LRRK2: variants seen among roughly 807,000 people sequenced by gnomAD.
LRRK2 encodes the protein leucine-rich repeat serine/threonine-protein kinase 2.
Under a neutral mutation model 302.6 loss-of-function variants are expected in LRRK2, and 203 were observed. That is an observed-to-expected ratio of 0.67 (90% CI 0.60 to 0.75). The LOEUF (loss-of-function observed/expected upper bound fraction) is 0.75, where lower values mean the gene tolerates loss of function less well. LRRK2 is among the 30% of genes least tolerant of loss of function. The pLI is 0.00. For synonymous variants in LRRK2, 1,066 were observed against 1,031.9 expected (o/e 1.03, Z -0.63); for missense variants, 2,830 against 2,951.0 (o/e 0.96, Z 0.95).
intron 18 of LRRK2, among the ~76,000 whole-genome samples, chr12:40,282,092 TCCCTCCCCTCCCCTTCTCTTCCCTC>T (rs1197470112): frequency 1.8e-4 from 4 of 21,902 alleles, no homozygotes; most frequent in Admixed American, 9.1e-4. Context: ...TCCCTTCTCT[TCCCTCCCCTCCCCTTCTCTTCCCTC>T]CCCTCCCCTC....
Position 40,310,622 on chromosome 12 carries a change from C to T in LRRK2, c.4509C>T (p.Thr1503=). 6.2e-7 allele frequency: 1 copy of T among 1,612,328 alleles called. No individual in the cohort carries two copies. Among genetic ancestry groups the T allele is most frequent in the Non-Finnish European group, 8.5e-7 (1 of 1,179,578 alleles). ...ESDALAKLRK[T]IINESLNFKI... ...ATGCTTTGGCAAAACTTCGGAAAAC[C>T]ATCATAAACGAGAGCCTTAATTTCA... is the stretch of plus-strand genomic sequence containing the variant. The change falls in exon 31 of 51, where the codon ACC becomes ACT. Residue 1503 remains threonine (T), a synonymous_variant. Coordinates refer to ENST00000298910, the MANE Select transcript of LRRK2 (RefSeq NM_198578.4).
intron 28 of LRRK2, among the ~76,000 whole-genome samples, chr12:40,307,677 A>T (rs527863044): frequency 9.5e-4 from 144 of 152,032 alleles, no homozygotes; most frequent in Admixed American, 1.6e-3. Context: ...CCCTATTATC[A>T]AGCTTTAACA....
At chr12:40,318,557 C>T (rs17466339) in intron 33 of LRRK2, among the ~76,000 whole-genome samples, 24,926 of 151,908 alleles carry the variant, frequency 0.16, 2,209 homozygotes, top group African/African-American at 0.21. Flanking sequence ...ATTTATCCAA[C>T]GGTACACATT....
rs1010754463 is a variant in LRRK2, at chr12:40,304,355, C to T, written c.3777+221C>T. On this transcript the variant is annotated intron_variant, in intron 27 of 50. Coordinates refer to ENST00000298910, the MANE Select transcript of LRRK2 (RefSeq NM_198578.4). The stretch of plus-strand genomic sequence containing the variant: ...CTTAATTTAATTTCCATTCTCACAC[C>T]GACAATTTAAAAAAATCTACTTTTA... The T allele has an allele frequency of 1.4e-4, 81 of 582,296 alleles. 1 individual carries two copies. The highest frequency in any genetic ancestry group is 9.2e-4 in the South Asian group (40 of 43,514). 36.1% of individuals were successfully genotyped at this position (582,296 alleles called of 1,614,324 possible). A position where few individuals can be genotyped will look rare whatever the true frequency, so the allele number is the denominator to read the frequency against.
chr12:40,274,252 C>T (rs191132800), intron 14 of LRRK2, among the ~76,000 whole-genome samples: 242 of 152,224 alleles, frequency 1.6e-3, no homozygotes, highest in Admixed American at 6.2e-3. Context: ...TTTGTGTAGA[C>T]TTTGAGAATA....
chr12:40,353,070 C>T (rs529568912), intron 44 of LRRK2, among the ~76,000 whole-genome samples: 32 of 145,114 alleles, frequency 2.2e-4, no homozygotes, highest in South Asian at 9.0e-4. Context: ...CCAGACGGGG[C>T]GGCGGCCGGG....
intron 25 of LRRK2, among the ~76,000 whole-genome samples, chr12:40,302,184 CAATAATAATAATAA>C (rs1317019624): frequency 1.3e-5 from 2 of 151,488 alleles, no homozygotes; most frequent in Non-Finnish European, 2.9e-5. Flanking sequence ...TCTCAAATAA[CAATAATAATAATAA>C]AATAATAAAA....
intron 20 of LRRK2, among the ~76,000 whole-genome samples, chr12:40,291,180 C>CA (rs1210404441): frequency 1.3e-5 from 2 of 148,408 alleles, no homozygotes; most frequent in Admixed American, 6.8e-5. Context: ...ATTGCAAGGA[C>CA]AAAAAACCAA....
At chr12:40,314,917 C>CTGTT (rs1945165784) in intron 32 of LRRK2, among the ~76,000 whole-genome samples, 1 of 152,018 alleles carries the variant, frequency 6.6e-6, no homozygotes, top group Non-Finnish European at 1.5e-5. Flanking sequence ...AGTGTGTATT[C>CTGTT]AGCAAGCGAA....
intron 16 of LRRK2, among the ~76,000 whole-genome samples, chr12:40,276,982 G>T (rs1449368504): frequency 6.6e-6 from 1 of 151,976 alleles, no homozygotes; most frequent in Non-Finnish European, 1.5e-5. Flanking sequence ...GAGTAGCTGG[G>T]ACTACAGGTG....
At chr12:40,323,437 T>C (rs1271450761) in intron 38 of LRRK2, 131 bp downstream of exon 38, 1 of 824,032 alleles carries the variant, frequency 1.2e-6, no homozygotes, top group Non-Finnish European at 1.9e-6. Flanking sequence ...TTTTTGTATT[T>C]GGAATGATAT....
intron 7 of LRRK2, among the ~76,000 whole-genome samples, chr12:40,245,000 GAAAA>G (rs771819550): frequency 2.7e-5 from 3 of 111,062 alleles, no homozygotes; most frequent in Non-Finnish European, 1.9e-5. Context: ...TTGCAAGAGT[GAAAA>G]AAAAAAAAAA....
At chr12:40,225,687 A>T in intron 2 of LRRK2, 47 bp downstream of exon 2, 1 of 1,527,074 alleles carries the variant, frequency 6.5e-7, no homozygotes, top group Non-Finnish European at 9.0e-7. Flanking sequence ...TCTGTTTGGA[A>T]GGAGACGTTT....
chr12:40,356,087 G>C (rs1341911450), intron 45 of LRRK2, 28 bp from the exon 46 acceptor site: 1 of 1,543,156 alleles, frequency 6.5e-7, no homozygotes, highest in Non-Finnish European at 8.9e-7. Flanking sequence ...TGTTCTTTTT[G>C]TAACAATTTC....
At chr12:40,302,731 A>G in intron 25 of LRRK2, 58 bp from the exon 26 acceptor site, 1 of 1,211,150 alleles carries the variant, frequency 8.3e-7, no homozygotes. Context: ...TTATTTTTGA[A>G]TTTAATGGAA....
At chr12:40,361,830 G>T (rs189773516) in intron 47 of LRRK2, among the ~76,000 whole-genome samples, 1 of 152,096 alleles carries the variant, frequency 6.6e-6, no homozygotes, top group African/African-American at 2.4e-5. Context: ...CTAATCAGGG[G>T]TTGCCTCATC....
rs764051064 is a variant in LRRK2, at chr12:40,295,638, A to G, written c.3090A>G (p.Leu1030=). 1.9e-6 allele frequency: 3 copies of G among 1,613,326 alleles called. No individual in the cohort carries two copies. The highest frequency in any genetic ancestry group is 2.2e-5 in the East Asian group (1 of 44,868). ...CACTCACGAGCTTTCCACAACAGCT[A>G]TGTGAAGTAAATTTAATTTATCCTT... ...QNALTSFPQQ[L]CETLKSLTHL... is the part of the protein sequence containing the mutation. Residue 1030 remains leucine (L), a synonymous_variant, in exon 23 of 51, where the codon CTA becomes CTG. Transcript: ENST00000298910.
chr12:40,303,012 T>C, intron 26 of LRRK2, 130 bp downstream of exon 26: 1 of 669,742 alleles, frequency 1.5e-6, no homozygotes, highest in South Asian at 1.8e-5. Context: ...TTTGTATGTA[T>C]GAATGATTTT....
chr12:40,257,191 G>T (rs1592172117), intron 11 of LRRK2, 57 bp from the exon 12 acceptor site: 1 of 1,272,190 alleles, frequency 7.9e-7, no homozygotes, highest in African/African-American at 1.5e-5. Flanking sequence ...TAAAGCTTAT[G>T]GTAAAATTAT....
Sources: gnomAD v4.1 joint callset for allele counts (sites outside exome capture counted in the v4.1 genomes callset) on GRCh38, gnomAD v4.1.1 for gene constraint, MANE v1.5 for transcripts, NCBI Gene and HGNC (gene_info 2026-07-23, HGNC 2026-07-21) for gene names.